The following DDX19B variants were observed in gnomAD, a reference collection of about 807,000 sequenced individuals.
DDX19B encodes ATP-dependent RNA helicase DDX19B.
A neutral mutation model predicts 58.1 loss-of-function variants in DDX19B; 27 were observed. The ratio of observed to expected loss-of-function variants is 0.46; its 90% CI spans 0.34 to 0.64. The LOEUF is 0.64. Ranked by LOEUF, DDX19B falls within the 30% of genes least tolerant of loss-of-function variation. The pLI is 0.01. For synonymous variants in DDX19B, 187 were observed against 214.4 expected, an observed-to-expected ratio of 0.87 and a Z score of 1.12; for missense variants, 399 against 596.5, an observed-to-expected ratio of 0.67 and a Z score of 3.45.
At chr16:70,294,468 G>A (rs1961147638), upstream of DDX19B, among the ~76,000 whole-genome samples, 1 of 152,186 alleles carries the variant, frequency 6.6e-6, no homozygotes, top group South Asian at 2.1e-4. Flanking sequence ...ATTAGAGGAT[G>A]TGCGTCTGCA....
chr16:70,295,162 T>C, upstream of DDX19B: 6 of 969,626 alleles, frequency 6.2e-6, no homozygotes, highest in Non-Finnish European at 8.0e-6. Context: ...ATGCTCTTAT[T>C]CCCCGAACAC....
chr16:70,321,043 A>G (rs1346684335), intron 5 of DDX19B, among the ~76,000 whole-genome samples: 6 of 148,784 alleles, frequency 4.0e-5, no homozygotes, highest in Non-Finnish European at 8.9e-5. Flanking sequence ...GTTCACCGCA[A>G]TCTCTGCCTT....
chr16:70,309,105 T>C (rs1276074825), intron 1 of DDX19B, among the ~76,000 whole-genome samples: 1 of 152,170 alleles, frequency 6.6e-6, no homozygotes, highest in Non-Finnish European at 1.5e-5. Context: ...TTTGTTAAGT[T>C]GCTTTTTTCT....
rs1962143921 is a variant in DDX19B at position 70,312,509 on chromosome 16, G to A, written c.58-100G>A. 5.9e-6 allele frequency: 6 copies of A among 1,022,390 alleles called. No individual in the cohort carries two copies. In the Admixed American group the frequency reaches 1.2e-4, roughly 21 times the overall value. 63.3% of individuals were successfully genotyped at this position (1,022,390 alleles called of 1,614,324 possible). ...TCCTAATGAATATACCTTGAGAATG[G>A]CTATTTTATCCCCAGCTTCATTAGG... On this transcript the variant is annotated intron_variant, in intron 1 of 11. Coordinates refer to ENST00000288071, the MANE Select transcript of DDX19B (RefSeq NM_007242.7).
chr16:70,333,487 G>A (rs777213990), intron 11 of DDX19B, 34 bp from the exon 12 acceptor site: 5 of 1,613,950 alleles, frequency 3.1e-6, no homozygotes, highest in Non-Finnish European at 4.2e-6. Context: ...GCACATTCCT[G>A]GGCAGGGTAG....
chr16:70,314,363 A>G (rs112206918), intron 2 of DDX19B, among the ~76,000 whole-genome samples: 3 of 151,816 alleles, frequency 2.0e-5, no homozygotes, highest in African/African-American at 7.3e-5. Flanking sequence ...TAGAATAGGA[A>G]AGAATATGAG....
At chr16:70,322,317 G>A (rs574624199) in intron 5 of DDX19B, among the ~76,000 whole-genome samples, 36 of 152,256 alleles carry the variant, frequency 2.4e-4, no homozygotes, top group African/African-American at 7.5e-4. Flanking sequence ...GCGGCTGGGC[G>A]CAGTGGCTTA....
At chr16:70,322,316 C>T (rs562566767) in intron 5 of DDX19B, among the ~76,000 whole-genome samples, 60 of 152,110 alleles carry the variant, frequency 3.9e-4, no homozygotes, top group African/African-American at 1.3e-3. Flanking sequence ...GGCGGCTGGG[C>T]GCAGTGGCTT....
chr16:70,332,930 T>C lies in DDX19B; in HGVS notation c.1187-38T>C, dbSNP rs763069925. 9.3e-6 allele frequency: 15 copies of C among 1,613,776 alleles called. No homozygotes were observed. In the South Asian group the frequency reaches 1.6e-4, roughly 18 times the overall value. The stretch of plus-strand genomic sequence containing the variant: ...GACCACATGACTGATTTGCCTCCTG[T>C]CCTTAGTCCTCTCAGCCTCCAACTC... On this transcript the variant is annotated intron_variant, in intron 10 of 11. Coordinates refer to ENST00000288071, the MANE Select transcript of DDX19B (RefSeq NM_007242.7).
chr16:70,320,579 G>A (rs185901211), intron 5 of DDX19B, among the ~76,000 whole-genome samples: 6 of 150,886 alleles, frequency 4.0e-5, no homozygotes, highest in African/African-American at 7.3e-5. Flanking sequence ...ACAGAGTCTC[G>A]CTCTGTAGCC....
chr16:70,324,519 T>C, intron 5 of DDX19B, 66 bp from the exon 6 acceptor site: 2 of 1,456,272 alleles, frequency 1.4e-6, no homozygotes, highest in Non-Finnish European at 1.9e-6. Flanking sequence ...TTAATACTCA[T>C]TTTTTTAAAC....
chr16:70,312,792 G>A, intron 2 of DDX19B, 135 bp downstream of exon 2: 1 of 668,302 alleles, frequency 1.5e-6, no homozygotes, highest in South Asian at 1.9e-5. Flanking sequence ...CATTTGATTT[G>A]TAAATCAACA....
At chr16:70,302,247 G>C (rs1263024426) in intron 1 of DDX19B, among the ~76,000 whole-genome samples, 1 of 152,090 alleles carries the variant, frequency 6.6e-6, no homozygotes, top group Non-Finnish European at 1.5e-5. Flanking sequence ...TAAAAGTCAG[G>C]TTTATGGAGG....
chr16:70,300,782 G>A (rs1418442437), intron 1 of DDX19B, among the ~76,000 whole-genome samples: 2 of 151,738 alleles, frequency 1.3e-5, no homozygotes, highest in Non-Finnish European at 2.9e-5. Flanking sequence ...CTCCCACCTC[G>A]GCCTCCCAAA....
intron 4 of DDX19B, 197 bp from the exon 5 acceptor site, chr16:70,317,299 T>C: frequency 2.7e-6 from 1 of 371,524 alleles, no homozygotes; most frequent in South Asian, 5.1e-5. Flanking sequence ...GAGAATTGCT[T>C]GAACCCGGAA....
intron 5 of DDX19B, among the ~76,000 whole-genome samples, chr16:70,322,983 T>C (rs1267392091): frequency 2.0e-5 from 3 of 150,914 alleles, no homozygotes; most frequent in African/African-American, 4.9e-5. Flanking sequence ...GCCCTCCCCA[T>C]GGTTTCACTT....
intron 1 of DDX19B, among the ~76,000 whole-genome samples, chr16:70,305,079 G>A (rs1395120068): frequency 1.3e-5 from 2 of 152,176 alleles, no homozygotes; most frequent in Admixed American, 1.3e-4. Flanking sequence ...ATATTTAAGA[G>A]TGAGTGACTA....
At position 70,330,085 on chromosome 16, in the gene DDX19B, G is replaced by C; in HGVS notation, c.1023+17G>C. ...TTCTGCCATGTGAGTAGCAGTGGCA[G>C]TGGCAGGCCTGGCCCTTCCCTCTCA... On this transcript the variant is annotated intron_variant, in intron 9 of 11. Transcript: ENST00000288071. The C allele has an allele frequency of 6.2e-7, 1 of 1,613,844 alleles. No homozygotes were observed. Among genetic ancestry groups the C allele is most frequent in the Non-Finnish European group, 8.5e-7 (1 of 1,179,772 alleles).
intron 6 of DDX19B, 34 bp from the exon 7 acceptor site, chr16:70,325,540 C>G (rs1420074573): frequency 6.8e-7 from 1 of 1,479,054 alleles, no homozygotes; most frequent in Non-Finnish European, 9.4e-7. Context: ...GAGCTATTGT[C>G]TTGAATTTGC....
Sources: gnomAD v4.1 joint callset for allele counts (sites outside exome capture counted in the v4.1 genomes callset) on GRCh38, gnomAD v4.1.1 for gene constraint, MANE v1.5 for transcripts, NCBI Gene and HGNC (gene_info 2026-07-23, HGNC 2026-07-21) for gene names.